MED21: variants seen among roughly 807,000 people sequenced by gnomAD.
The protein encoded by MED21 is mediator complex subunit 21, also known as mediator of RNA polymerase II transcription subunit 21.
A neutral mutation model predicts 18.2 loss-of-function variants in MED21; 9 were observed. The observed-to-expected ratio is 0.49, with a 90% CI of 0.30 to 0.86. The LOEUF is 0.86. Ranked by LOEUF, MED21 falls within the 40% of genes least tolerant of loss-of-function variation. The pLI, the probability that MED21 is intolerant of heterozygous loss-of-function variation, is 0.07. For missense variants in MED21, 150 were observed against 170.9 expected (o/e 0.88, Z 0.68); for synonymous variants, 73 against 60.5 (o/e 1.21, Z -0.96).
downstream of MED21, among the ~76,000 whole-genome samples, chr12:27,031,156 C>T (rs937945758): frequency 1.3e-5 from 2 of 152,238 alleles, no homozygotes; most frequent in African/African-American, 4.8e-5. Context: ...ATCCACCCGC[C>T]TCAGCCTCCC....
At chr12:27,032,400 G>A (rs1215963777), downstream of MED21, among the ~76,000 whole-genome samples, 1 of 152,174 alleles carries the variant, frequency 6.6e-6, no homozygotes, top group Non-Finnish European at 1.5e-5. Context: ...TACTTCAGAT[G>A]TGTTGCTGGA....
At position 27,029,182 on chromosome 12, in the gene MED21, T is replaced by C. The variant is rs1941584229; in HGVS notation, c.*721T>C. 2.0e-6 allele frequency: 2 copies of C among 985,414 alleles called. No homozygotes were observed. The allele number at this position is 985,414 out of a possible 1,614,324, so 61.0% of individuals were successfully genotyped here. On this transcript the variant is annotated 3_prime_UTR_variant, in exon 4 of 4. Transcript: ENST00000282892. ...ATTTGCTTGTCATCACAATGAAGTA[T>C]GTTTTTTGAATCATCAATTCTTTCT... is the stretch of plus-strand genomic sequence containing the variant.
In MED21 at chr12:27,028,994, A is replaced by G. The variant is rs2085840044; in HGVS notation, c.*533A>G. On this transcript the variant is annotated 3_prime_UTR_variant, in exon 4 of 4. Coordinates refer to ENST00000282892, the MANE Select transcript of MED21 (RefSeq NM_004264.5). Reference sequence around the variant, plus strand: ...TGGATAAGAAAGTCACATTTATGCAAATGTTTCTTCTGCTAGAACCTCATA... The same window carrying G: ...TGGATAAGAAAGTCACATTTATGCAGATGTTTCTTCTGCTAGAACCTCATA... 5 of 985,480 alleles carry G rather than the reference A, an allele frequency of 5.1e-6. No homozygotes were observed. Among genetic ancestry groups the G allele is most frequent in the Non-Finnish European group, 6.0e-6 (5 of 829,972 alleles). The allele number at this position is 985,480 out of a possible 1,614,324, so 61.0% of individuals were successfully genotyped here. A position where few individuals can be genotyped will look rare whatever the true frequency, so the allele number is the denominator to read the frequency against.
chr12:27,027,316 A>G (rs1941558777), intron 2 of MED21, 31 bp from the exon 3 acceptor site: 2 of 1,498,524 alleles, frequency 1.3e-6, no homozygotes, highest in Non-Finnish European at 1.8e-6. Context: ...GAGGTTTTCT[A>G]ATATCCTAAT....
Position 27,029,872 on chromosome 12 carries a change from A to T in MED21, c.*1411A>T. The T allele has an allele frequency of 1.0e-6, 1 of 985,072 alleles. No homozygotes were observed. The highest frequency in any genetic ancestry group is 1.2e-6 in the Non-Finnish European group (1 of 810,496). The allele number at this position is 985,072 out of a possible 1,614,324, so 61.0% of individuals were successfully genotyped here. ...CAAAAAGGTACAAAGAGAAAAGGTC[A>T]AGACATTTTTCAAATGAGGGAAAAC... On this transcript the variant is annotated 3_prime_UTR_variant, in exon 4 of 4. Coordinates refer to ENST00000282892, the MANE Select transcript of MED21 (RefSeq NM_004264.5).
chr12:27,022,611 C>G lies in MED21; in HGVS notation c.32C>G (p.Ala11Gly). Reference sequence around the variant, plus strand: ...GATCGGCTCACGCAGCTTCAGGACGCTGTGAATTCGGTGAGGAATTTCATT... The same window carrying G: ...GATCGGCTCACGCAGCTTCAGGACGGTGTGAATTCGGTGAGGAATTTCATT... MADRLTQLQD[A>G]VNSLADQFCN... The change falls in exon 1 of 4, where the codon GCT (alanine) becomes GGT (glycine). Residue 11 changes from alanine to glycine, a missense_variant. Coordinates refer to ENST00000282892, the MANE Select transcript of MED21 (RefSeq NM_004264.5). 1 of 1,591,196 alleles carries G rather than the reference C, an allele frequency of 6.3e-7. No homozygotes were observed. The highest frequency in any genetic ancestry group is 8.6e-7 in the Non-Finnish European group (1 of 1,164,170).
chr12:27,030,679 A>C (rs1160732331), downstream of MED21: 1 of 152,314 alleles, frequency 6.6e-6, no homozygotes, highest in Non-Finnish European at 1.5e-5. Context: ...CTAGACCTAC[A>C]GTTTGCTTTT....
At chr12:27,025,386 T>C (rs1169224772) in intron 1 of MED21, among the ~76,000 whole-genome samples, 1 of 152,208 alleles carries the variant, frequency 6.6e-6, no homozygotes, top group Admixed American at 6.5e-5. Flanking sequence ...TATTGAAAGC[T>C]TCAAAACAGC....
intron 1 of MED21, among the ~76,000 whole-genome samples, chr12:27,024,056 T>A (rs76181374): frequency 0.02 from 3,030 of 152,340 alleles, 103 homozygotes; most frequent in African/African-American, 0.069. Flanking sequence ...TTTTCAGCTT[T>A]ATTATAACCA....
chr12:27,037,626 G>C (rs1941657948), intron 2 of MED21: 2 of 152,090 alleles, frequency 1.3e-5, no homozygotes, highest in Admixed American at 1.3e-4. Flanking sequence ...ATAAATGTAT[G>C]TTTAATCTCA....
rs763600402 is a variant in MED21 at position 27,028,387 on chromosome 12, G to C, written c.361G>C (p.Ala121Pro). The C allele has an allele frequency of 6.2e-7, 1 of 1,614,086 alleles. No homozygotes were observed. The highest frequency in any genetic ancestry group is 2.2e-5 in the East Asian group (1 of 44,862). ...CATGCTTCTGGAGAAGATACAAAGC[G>C]CACTTGCTGATATTGCACAGTCACA... ...GDMLLEKIQS[A>P]LADIAQSQLK... The change falls in exon 4 of 4, where the codon GCA (alanine) becomes CCA (proline). Residue 121 changes from alanine to proline, a missense_variant. By Grantham distance (27) the Ala-to-Pro change is conservative. Coordinates refer to ENST00000282892, the MANE Select transcript of MED21 (RefSeq NM_004264.5).
chr12:27,026,154 A>T (rs529090901), intron 1 of MED21, among the ~76,000 whole-genome samples: 1 of 152,352 alleles, frequency 6.6e-6, no homozygotes, highest in Admixed American at 6.5e-5. Context: ...GAAAAGAAAG[A>T]TTATTTTGTA....
At chr12:27,023,667 C>A (rs1358857261) in intron 1 of MED21, among the ~76,000 whole-genome samples, 1 of 152,156 alleles carries the variant, frequency 6.6e-6, no homozygotes, top group Non-Finnish European at 1.5e-5. Context: ...AGTAGCTCCC[C>A]AGCTTTGTTC....
intron 2 of MED21, chr12:27,037,102 C>T (rs1302397448): frequency 6.6e-6 from 1 of 151,648 alleles, no homozygotes; most frequent in Non-Finnish European, 1.5e-5. Flanking sequence ...TGTTTGTATC[C>T]TCTTTTATTT....
Position 27,028,985 on chromosome 12 carries a change from AT to A in MED21, c.*527del. On this transcript the variant is annotated 3_prime_UTR_variant, in exon 4 of 4. Transcript: ENST00000282892. ...TAGTGTGGCTGGATAAGAAAGTCACATTTATGCAAATGTTTCTTCTGCTAGA... is the reference window on the plus strand; with the variant it reads ...TAGTGTGGCTGGATAAGAAAGTCACATTATGCAAATGTTTCTTCTGCTAGA... 2.0e-6 allele frequency: 2 copies of A among 985,516 alleles called. No individual in the cohort carries two copies. The highest frequency in any genetic ancestry group is 3.5e-5 in the African/African-American group (2 of 57,374). The allele number at this position is 985,516 out of a possible 1,614,324, so 61.0% of individuals were successfully genotyped here. A position where few individuals can be genotyped will look rare whatever the true frequency, so the allele number is the denominator to read the frequency against.
At chr12:27,034,646 G>T (rs1217806794), downstream of MED21, among the ~76,000 whole-genome samples, 2 of 151,988 alleles carry the variant, frequency 1.3e-5, no homozygotes, top group Non-Finnish European at 2.9e-5. Flanking sequence ...TTGCAGTGTT[G>T]CCCAGGCTTA....
At chr12:27,026,641 GTTGT>G (rs1941548857) in intron 2 of MED21, 107 bp downstream of exon 2, 1 of 807,772 alleles carries the variant, frequency 1.2e-6, no homozygotes, top group African/African-American at 1.8e-5. Context: ...TAAAATTATT[GTTGT>G]TTGAGAATAT....
At chr12:27,024,246 G>T (rs1169114498) in intron 1 of MED21, among the ~76,000 whole-genome samples, 1 of 152,038 alleles carries the variant, frequency 6.6e-6, no homozygotes, top group African/African-American at 2.4e-5. Flanking sequence ...AGGGGCTAGA[G>T]AGAAAACATG....
intron 3 of MED21, 112 bp downstream of exon 3, chr12:27,027,559 T>G (rs1941562451): frequency 2.9e-6 from 2 of 690,120 alleles, no homozygotes; most frequent in Admixed American, 2.6e-5. Flanking sequence ...ACAACATACC[T>G]GAGACAGTAA....
Sources: allele counts gnomAD v4.1 joint callset (sites outside exome capture counted in the v4.1 genomes callset), GRCh38; gene constraint gnomAD v4.1.1; transcripts MANE v1.5; gene names NCBI Gene and HGNC (gene_info 2026-07-23, HGNC 2026-07-21).